TMPRSS11F: variants seen among roughly 807,000 people sequenced by gnomAD.
TMPRSS11F encodes the protein transmembrane protease serine 11F.
TMPRSS11F carries 47 observed loss-of-function variants against 60.2 expected under a neutral mutation model. The observed-to-expected ratio is 0.78, with a 90% CI of 0.62 to 1.00. The LOEUF (loss-of-function observed/expected upper bound fraction) is 1.00. Ranked by LOEUF, TMPRSS11F falls within the 50% of genes least tolerant of loss-of-function variation. TMPRSS11F has a pLI of 0.00. For synonymous variants in TMPRSS11F, 166 were observed against 167.3 expected (o/e 0.99, Z 0.06); for missense variants, 519 against 522.9 (o/e 0.99, Z 0.07).
chr4:68,098,769 A>G (rs1303360779), intron 2 of TMPRSS11F, 118 bp downstream of exon 2: 2 of 965,930 alleles, frequency 2.1e-6, no homozygotes, highest in African/African-American at 3.3e-5. Flanking sequence ...TAACATCAGT[A>G]AAAGACTGGT....
chr4:68,095,989 T>C (rs1404570779), intron 2 of TMPRSS11F, among the ~76,000 whole-genome samples: 1 of 150,880 alleles, frequency 6.6e-6, no homozygotes, highest in Admixed American at 6.6e-5. Flanking sequence ...GTGTACAAGA[T>C]CTGTGTATAA....
chr4:68,109,664 A>G (rs1408678758), intron 1 of TMPRSS11F, among the ~76,000 whole-genome samples: 2 of 152,180 alleles, frequency 1.3e-5, no homozygotes, highest in Non-Finnish European at 2.9e-5. Context: ...TGAGTTGGCC[A>G]AGGGTTTAAG....
chr4:68,107,256 T>C (rs942521160), intron 1 of TMPRSS11F, among the ~76,000 whole-genome samples: 2 of 152,212 alleles, frequency 1.3e-5, no homozygotes, highest in East Asian at 1.9e-4. Flanking sequence ...TTAGTTACTA[T>C]GGATATGGCC....
At chr4:68,087,239 C>A (rs1009920853) in intron 3 of TMPRSS11F, among the ~76,000 whole-genome samples, 2 of 151,998 alleles carry the variant, frequency 1.3e-5, no homozygotes, top group African/African-American at 4.8e-5. Flanking sequence ...ATGTGATTCA[C>A]CATATGAACA....
chr4:68,121,817 A>T lies in TMPRSS11F; in HGVS notation c.11+7993T>A, dbSNP rs112353209. ...ATCTGCATATTAAATAAACAAAATT[A>T]ACATGTCCCAGAATCTGCCTGTCAC... On this transcript the variant is annotated intron_variant, in intron 1 of 9. Coordinates refer to ENST00000356291, the MANE Select transcript of TMPRSS11F (RefSeq NM_207407.2). Among the ~76,000 whole-genome samples the T allele has an allele frequency of 1.5e-3, 224 of 152,318 alleles. 4 individuals are homozygous for T. The highest frequency in any genetic ancestry group is 5.3e-3 in the African/African-American group (219 of 41,566).
At chr4:68,125,610 G>A (rs974494796) in intron 1 of TMPRSS11F, among the ~76,000 whole-genome samples, 48 of 152,070 alleles carry the variant, frequency 3.2e-4, no homozygotes, top group Admixed American at 1.6e-3. Flanking sequence ...ATGCTTGTAC[G>A]ATCCAAGGGT....
At chr4:68,073,815 G>T in intron 4 of TMPRSS11F, 127 bp downstream of exon 4, 1 of 588,850 alleles carries the variant, frequency 1.7e-6, no homozygotes, top group South Asian at 2.3e-5. Context: ...GGAAACCTTG[G>T]GCTGCTCAAG....
intron 2 of TMPRSS11F, among the ~76,000 whole-genome samples, chr4:68,093,379 C>T (rs1394802775): frequency 6.6e-6 from 1 of 152,054 alleles, no homozygotes; most frequent in Non-Finnish European, 1.5e-5. Context: ...CTTCCTTACA[C>T]CTTATACAAA....
chr4:68,105,140 C>G (rs1455031333), intron 1 of TMPRSS11F, among the ~76,000 whole-genome samples: 3 of 140,900 alleles, frequency 2.1e-5, no homozygotes, highest in African/African-American at 8.0e-5. Context: ...AGCTGTGAAG[C>G]CATCTGGTCC....
At chr4:68,076,270 A>G (rs1199078944) in intron 3 of TMPRSS11F, among the ~76,000 whole-genome samples, 1 of 152,210 alleles carries the variant, frequency 6.6e-6, no homozygotes, top group Non-Finnish European at 1.5e-5. Flanking sequence ...GGCTGGTGAT[A>G]ATTTTTCTGC....
At chr4:68,067,252 T>C (rs1424939201) in intron 7 of TMPRSS11F, among the ~76,000 whole-genome samples, 1 of 152,218 alleles carries the variant, frequency 6.6e-6, no homozygotes, top group Non-Finnish European at 1.5e-5. Flanking sequence ...TTTAAAAATT[T>C]ACTGCATCTA....
chr4:68,062,705 A>C, intron 8 of TMPRSS11F: 1 of 746,844 alleles, frequency 1.3e-6, no homozygotes, highest in Non-Finnish European at 2.5e-6. Flanking sequence ...AGACAGCATG[A>C]GTGTCACATG....
At chr4:68,120,678 G>A (rs1036635805) in intron 1 of TMPRSS11F, among the ~76,000 whole-genome samples, 14 of 152,072 alleles carry the variant, frequency 9.2e-5, no homozygotes, top group African/African-American at 3.1e-4. Flanking sequence ...GTGAGCCACC[G>A]CGCCCGGCCG....
chr4:68,053,796 G>A lies in TMPRSS11F; in HGVS notation c.*113C>T. The A allele has an allele frequency of 1.8e-6, 2 of 1,098,898 alleles. No individual in the cohort carries two copies. Among genetic ancestry groups the A allele is most frequent in the Non-Finnish European group, 2.6e-6 (2 of 765,020 alleles). 68.1% of individuals were successfully genotyped at this position (1,098,898 alleles called of 1,614,324 possible). A position where few individuals can be genotyped will look rare whatever the true frequency, so the allele number is the denominator to read the frequency against. On this transcript the variant is annotated 3_prime_UTR_variant, in exon 10 of 10. Coordinates refer to ENST00000356291, the MANE Select transcript of TMPRSS11F (RefSeq NM_207407.2). ...TATTAGATTTGTCTGGGTCTGAAGG[G>A]CTTCTTGACATCTAGCAAAAGCACT... is the stretch of plus-strand genomic sequence containing the variant.
At chr4:68,120,948 A>G (rs1007805637) in intron 1 of TMPRSS11F, among the ~76,000 whole-genome samples, 3 of 152,246 alleles carry the variant, frequency 2.0e-5, no homozygotes, top group African/African-American at 7.2e-5. Context: ...AATAGACCAC[A>G]GTATAGTGTA....
At chr4:68,095,210 A>G (rs745375830) in intron 2 of TMPRSS11F, among the ~76,000 whole-genome samples, 2 of 151,704 alleles carry the variant, frequency 1.3e-5, no homozygotes, top group Non-Finnish European at 1.5e-5. Flanking sequence ...ATTATATATA[A>G]GATTTGTGTA....
At chr4:68,103,316 C>G (rs955667166) in intron 1 of TMPRSS11F, among the ~76,000 whole-genome samples, 1 of 152,006 alleles carries the variant, frequency 6.6e-6, no homozygotes. Flanking sequence ...TGTGGTGGCA[C>G]ATGCCCGTAG....
rs139717742 is a variant in TMPRSS11F at position 68,096,904 on chromosome 4, C to G, written c.163+1983G>C. ...TATAAAAGTAATATTTTAGAAATAACTTGTCCTCTGTTGTTTCCCTGGTTA... is the reference window on the plus strand; with the variant it reads ...TATAAAAGTAATATTTTAGAAATAAGTTGTCCTCTGTTGTTTCCCTGGTTA... On this transcript the variant is annotated intron_variant, in intron 2 of 9. Transcript: ENST00000356291. Among the ~76,000 whole-genome samples the G allele has an allele frequency of 1.7e-3, 255 of 152,268 alleles. 2 individuals are homozygous for G. The highest frequency in any genetic ancestry group is 6.0e-3 in the African/African-American group (249 of 41,544).
Position 68,064,150 on chromosome 4 carries a change from A to T in TMPRSS11F, c.1015+535T>A, listed in dbSNP as rs541513511. On this transcript the variant is annotated intron_variant, in intron 8 of 9. Transcript: ENST00000356291. ...TTTTTTTTTTCCACCGCTCTAGTTG[A>T]GCAGTTGAGGAGATTTCTTTCTTTC... Among the ~76,000 whole-genome samples, 353 of 144,066 alleles carry T rather than the reference A, an allele frequency of 2.5e-3. 1 individual carries two copies. The highest frequency in any genetic ancestry group is 8.9e-3 in the African/African-American group (348 of 39,024). 94.5% of individuals were successfully genotyped at this position (144,066 alleles called of 152,430 possible).
Sources: allele counts gnomAD v4.1 joint callset (sites outside exome capture counted in the v4.1 genomes callset), GRCh38; gene constraint gnomAD v4.1.1; transcripts MANE v1.5; gene names NCBI Gene and HGNC (gene_info 2026-07-23, HGNC 2026-07-21).